The following TMEM108 variants were observed in gnomAD, a reference collection of about 807,000 sequenced individuals.
TMEM108 encodes cancer/testis antigen 124.
TMEM108 carries 12 observed loss-of-function variants against 35.1 expected under a neutral mutation model. That is an observed-to-expected ratio of 0.34 (90% CI 0.22 to 0.55). The LOEUF (loss-of-function observed/expected upper bound fraction) is 0.55. Among genes scored for constraint, TMEM108 ranks in the 20% least tolerant of loss-of-function variants. TMEM108 has a pLI of 0.89. For missense variants in TMEM108, 680 were observed against 753.3 expected, an observed-to-expected ratio of 0.90 and a Z score of 1.14; for synonymous variants, 287 against 308.6, an observed-to-expected ratio of 0.93 and a Z score of 0.73.
At chr3:133,189,410 A>G (rs1308691134) in intron 2 of TMEM108, among the ~76,000 whole-genome samples, 1 of 152,188 alleles carries the variant, frequency 6.6e-6, no homozygotes, top group Non-Finnish European at 1.5e-5. Flanking sequence ...CCAACTGTTC[A>G]TTATATACAC....
In TMEM108 at chr3:133,380,038, T is replaced by C; in HGVS notation, c.327T>C (p.Ser109=). The change falls in exon 4 of 6, where the codon TCT becomes TCC. Residue 109 remains serine (S), a synonymous_variant. Transcript: ENST00000321871. This position sits in a 1 kb window ranked among gnomAD's most constrained non-coding sequence, Gnocchi z 5.3. The part of the protein sequence containing the change: ...TIAATVTAPH[S]ESSLSTGPAP... ...CTGCGACAGTAACCGCCCCCCATTCTGAAAGCTCCCTGTCCACAGGGCCCG... is the reference window on the plus strand; with the variant it reads ...CTGCGACAGTAACCGCCCCCCATTCCGAAAGCTCCCTGTCCACAGGGCCCG... 4 of 1,613,678 alleles carry C rather than the reference T, an allele frequency of 2.5e-6. No homozygotes were observed. The highest frequency in any genetic ancestry group is 3.4e-6 in the Non-Finnish European group (4 of 1,179,936).
chr3:133,162,818 C>T (rs998377182), intron 2 of TMEM108, among the ~76,000 whole-genome samples: 1 of 152,210 alleles, frequency 6.6e-6, no homozygotes, highest in Non-Finnish European at 1.5e-5. Context: ...TATATAATAG[C>T]TGTCATTTGT....
intron 2 of TMEM108, among the ~76,000 whole-genome samples, chr3:133,046,244 A>G (rs1943338804): frequency 6.6e-6 from 1 of 152,222 alleles, no homozygotes; most frequent in Admixed American, 6.5e-5. Context: ...AAATATTTCA[A>G]AACAGGAGTT....
chr3:133,148,801 G>T (rs1371231910), intron 2 of TMEM108, among the ~76,000 whole-genome samples: 2 of 152,040 alleles, frequency 1.3e-5, no homozygotes, highest in Non-Finnish European at 2.9e-5. Flanking sequence ...TTTGTGACCA[G>T]CCTAGGCAGC....
intron 3 of TMEM108, among the ~76,000 whole-genome samples, chr3:133,316,944 G>A (rs2071207183): frequency 2.0e-5 from 3 of 152,182 alleles, no homozygotes; most frequent in Admixed American, 2.0e-4. Context: ...AACTGTGGGT[G>A]GGAGAAAATT....
At chr3:133,113,625 C>T (rs1944252044) in intron 2 of TMEM108, among the ~76,000 whole-genome samples, 2 of 152,182 alleles carry the variant, frequency 1.3e-5, no homozygotes, top group South Asian at 4.1e-4. Context: ...CAAAAATATC[C>T]CATGTATCAA....
intron 2 of TMEM108, among the ~76,000 whole-genome samples, chr3:133,169,767 G>A (rs189985875): frequency 1.8e-4 from 28 of 152,250 alleles, no homozygotes; most frequent in Admixed American, 4.6e-4. Context: ...TGTTTCCCCT[G>A]AGATGCTTTT....
intron 2 of TMEM108, among the ~76,000 whole-genome samples, chr3:133,154,311 AT>A (rs1944845115): frequency 6.6e-6 from 1 of 151,842 alleles, no homozygotes; most frequent in Non-Finnish European, 1.5e-5. Context: ...CCATTTGTCA[AT>A]TTTGGCTTTT....
rs753985400 is a variant in TMEM108 at position 133,380,764 on chromosome 3, G to A, written c.1053G>A (p.Gly351=). The A allele has an allele frequency of 1.9e-6, 3 of 1,614,100 alleles. No individual in the cohort carries two copies. In the Middle Eastern group the frequency reaches 4.9e-4, roughly 266 times the overall value. ...GTSRPLSTSS[G]VFTAATGPTP... ...GCAGACCTCTGTCTACCAGCTCTGGGGTCTTCACGGCTGCCACGGGGCCCA... is the reference window on the plus strand; with the variant it reads ...GCAGACCTCTGTCTACCAGCTCTGGAGTCTTCACGGCTGCCACGGGGCCCA... The change falls in exon 4 of 6, where the codon GGG becomes GGA. Residue 351 remains glycine, a synonymous_variant. Transcript: ENST00000321871. The surrounding 1 kb of genome is among the most constrained non-coding windows in gnomAD (Gnocchi z 5.3).
chr3:133,041,469 C>T (rs1943275568), intron 1 of TMEM108, among the ~76,000 whole-genome samples: 1 of 152,170 alleles, frequency 6.6e-6, no homozygotes, highest in Non-Finnish European at 1.5e-5. Context: ...AGCTGGCAAA[C>T]CAGCAGTGTG....
At chr3:133,082,815 C>A (rs1943829313) in intron 2 of TMEM108, among the ~76,000 whole-genome samples, 1 of 151,910 alleles carries the variant, frequency 6.6e-6, no homozygotes, top group East Asian at 1.9e-4. Flanking sequence ...CTGTGCTTGG[C>A]TAATTTTTAA....
intron 3 of TMEM108, among the ~76,000 whole-genome samples, chr3:133,371,129 A>G (rs746301918): frequency 6.6e-6 from 1 of 152,218 alleles, no homozygotes; most frequent in Non-Finnish European, 1.5e-5. Flanking sequence ...AAAGCCCTTG[A>G]TGTCTCAATC....
At chr3:133,388,734 G>A (rs1349209566) in intron 4 of TMEM108, 1 of 985,348 alleles carries the variant, frequency 1.0e-6, no homozygotes, top group Non-Finnish European at 1.2e-6. Flanking sequence ...AGCAAGGCTG[G>A]CAGCTGGAAA....
intron 2 of TMEM108, among the ~76,000 whole-genome samples, chr3:133,207,233 G>C (rs759754301): frequency 3.9e-5 from 6 of 152,170 alleles, no homozygotes; most frequent in Non-Finnish European, 5.9e-5. Context: ...TTAGCTATGG[G>C]AGGGAGTTCC....
chr3:133,092,290 T>G (rs1373619776), intron 2 of TMEM108, among the ~76,000 whole-genome samples: 1 of 152,234 alleles, frequency 6.6e-6, no homozygotes, highest in African/African-American at 2.4e-5. Flanking sequence ...CTACATTGAT[T>G]AGTTGGTATA....
At chr3:133,152,966 G>A (rs1170617606) in intron 2 of TMEM108, among the ~76,000 whole-genome samples, 1 of 152,150 alleles carries the variant, frequency 6.6e-6, no homozygotes, top group Non-Finnish European at 1.5e-5. Context: ...CAATGTTTGG[G>A]CCTGTTTCAT....
At chr3:133,325,252 T>C (rs1261872838) in intron 3 of TMEM108, among the ~76,000 whole-genome samples, 2 of 152,192 alleles carry the variant, frequency 1.3e-5, no homozygotes, top group African/African-American at 2.4e-5. Flanking sequence ...AGACATCATA[T>C]GTTTTCACAA....
intron 3 of TMEM108, among the ~76,000 whole-genome samples, chr3:133,312,825 C>T (rs971848610): frequency 6.6e-6 from 1 of 152,232 alleles, no homozygotes; most frequent in African/African-American, 2.4e-5. Flanking sequence ...ACGCTGGGAG[C>T]TGCAGACCAG....
At chr3:133,342,956 G>C (rs114517182) in intron 3 of TMEM108, among the ~76,000 whole-genome samples, 1 of 151,638 alleles carries the variant, frequency 6.6e-6, no homozygotes, top group Non-Finnish European at 1.5e-5. Context: ...TTGAGATGAT[G>C]GATATGGCAA....
Sources: allele counts gnomAD v4.1 joint callset (sites outside exome capture counted in the v4.1 genomes callset), GRCh38; gene constraint gnomAD v4.1.1; non-coding constraint Gnocchi (gnomAD v3.1); transcripts MANE v1.5; gene names NCBI Gene and HGNC (gene_info 2026-07-23, HGNC 2026-07-21).